The following ZFHX3 variants were observed in gnomAD, a reference collection of about 807,000 sequenced individuals.
The protein encoded by ZFHX3 is zinc finger homeobox 3, also known as zinc finger homeobox protein 3.
ZFHX3 carries 42 observed loss-of-function variants against 279.1 expected under a neutral mutation model. The observed-to-expected ratio is 0.15, with a 90% CI of 0.12 to 0.19. ZFHX3 has a LOEUF of 0.19. Among genes scored for constraint, ZFHX3 ranks in the 10% least tolerant of loss-of-function variants. The pLI, the probability that ZFHX3 is intolerant of heterozygous loss-of-function variation, is 1.00. For missense variants in ZFHX3, 4,981 were observed against 4,754.0 expected (o/e 1.05, Z -1.40); for synonymous variants, 2,293 against 1,957.8 (o/e 1.17, Z -4.52).
intron 2 of ZFHX3, among the ~76,000 whole-genome samples, chr16:73,605,823 T>C (rs1416257097): frequency 6.6e-6 from 1 of 152,004 alleles, no homozygotes; most frequent in African/African-American, 2.4e-5. Context: ...TGGGTACTTA[T>C]CAAACCATTT....
chr16:73,593,310 A>G (rs2052017416), intron 2 of ZFHX3, among the ~76,000 whole-genome samples: 1 of 152,126 alleles, frequency 6.6e-6, no homozygotes, highest in South Asian at 2.1e-4. Flanking sequence ...CCTGACAAGT[A>G]CATTATGAGA....
At chr16:72,912,938 T>C (rs1419917884) in intron 3 of ZFHX3, among the ~76,000 whole-genome samples, 2 of 152,188 alleles carry the variant, frequency 1.3e-5, no homozygotes, top group Admixed American at 6.5e-5. Flanking sequence ...TTGGCCAGAA[T>C]GGTCTCAATC....
chr16:73,127,058 A>T (rs960466094), intron 7 of ZFHX3: 3 of 238,180 alleles, frequency 1.3e-5, no homozygotes, highest in African/African-American at 6.9e-5. Flanking sequence ...CTCCAATTTC[A>T]GCTTGTCTAA....
intron 5 of ZFHX3, among the ~76,000 whole-genome samples, chr16:73,180,221 C>T (rs1010276542): frequency 2.0e-5 from 3 of 152,158 alleles, no homozygotes; most frequent in Admixed American, 6.5e-5. Flanking sequence ...CTCCACGAAA[C>T]GCAGGCTTGC....
intron 2 of ZFHX3, among the ~76,000 whole-genome samples, chr16:73,475,740 A>G (rs2018754872): frequency 6.6e-6 from 1 of 152,106 alleles, no homozygotes; most frequent in Non-Finnish European, 1.5e-5. Flanking sequence ...TTCAGAGCAA[A>G]CTCTGCTAGA....
intron 3 of ZFHX3, among the ~76,000 whole-genome samples, chr16:73,326,869 A>G (rs550207034): frequency 2.0e-5 from 3 of 152,344 alleles, no homozygotes; most frequent in African/African-American, 4.8e-5. Flanking sequence ...CAACATCAAC[A>G]TACCTTGGAG....
At chr16:73,646,551 G>C (rs1378090918) in intron 2 of ZFHX3, among the ~76,000 whole-genome samples, 2 of 151,960 alleles carry the variant, frequency 1.3e-5, no homozygotes, top group African/African-American at 4.8e-5. Context: ...AGATCTGTAA[G>C]ATACATAAAT....
intron 1 of ZFHX3, among the ~76,000 whole-genome samples, chr16:73,037,036 AC>A (rs1304911458): frequency 6.6e-6 from 1 of 152,060 alleles, no homozygotes; most frequent in East Asian, 1.9e-4. Context: ...CAAATAAAAG[AC>A]CCTCACCCCA....
intron 1 of ZFHX3, among the ~76,000 whole-genome samples, chr16:72,970,396 G>C (rs986169821): frequency 2.6e-5 from 4 of 152,062 alleles, no homozygotes; most frequent in African/African-American, 9.7e-5. Flanking sequence ...ACTTGAGTAC[G>C]TAAGTCTCTA....
At chr16:72,945,731 C>T (rs963091952) in intron 3 of ZFHX3, among the ~76,000 whole-genome samples, 7 of 152,090 alleles carry the variant, frequency 4.6e-5, no homozygotes, top group South Asian at 2.1e-4. Flanking sequence ...AGAATCCCGA[C>T]GCAAACCATA....
chr16:73,130,437 C>T (rs530627062), intron 7 of ZFHX3, among the ~76,000 whole-genome samples: 7 of 152,270 alleles, frequency 4.6e-5, no homozygotes, highest in African/African-American at 1.7e-4. Context: ...CACTCTTCTC[C>T]GAGAGGGTCT....
At chr16:72,986,856 T>C (rs903445880) in intron 1 of ZFHX3, among the ~76,000 whole-genome samples, 16 of 152,088 alleles carry the variant, frequency 1.1e-4, no homozygotes, top group South Asian at 8.3e-4. Context: ...GGAAAAAACA[T>C]AGAACCCAGC....
intron 2 of ZFHX3, among the ~76,000 whole-genome samples, chr16:73,645,688 C>T (rs1039849368): frequency 1.3e-5 from 2 of 152,042 alleles, no homozygotes; most frequent in Non-Finnish European, 2.9e-5. Flanking sequence ...ATTAATAATG[C>T]TTTGAGAACA....
chr16:73,077,211 A>T (rs969072381), intron 8 of ZFHX3, among the ~76,000 whole-genome samples: 6 of 152,208 alleles, frequency 3.9e-5, no homozygotes, highest in African/African-American at 1.4e-4. Context: ...TAAAATATAG[A>T]TTATATTGAT....
At chr16:73,483,635 T>C (rs1344766842) in intron 2 of ZFHX3, among the ~76,000 whole-genome samples, 2 of 152,032 alleles carry the variant, frequency 1.3e-5, no homozygotes, top group East Asian at 3.9e-4. Flanking sequence ...GGGGAGCTAA[T>C]GACCCATAAT....
At chr16:73,471,378 T>A (rs1322570347) in intron 2 of ZFHX3, among the ~76,000 whole-genome samples, 1 of 152,154 alleles carries the variant, frequency 6.6e-6, no homozygotes, top group Non-Finnish European at 1.5e-5. Flanking sequence ...TGTGGGCATG[T>A]AACCAATCTA....
chr16:72,794,277 G>T lies in ZFHX3; in HGVS notation c.8405C>A (p.Pro2802His), dbSNP rs1430894734. 1 of 1,613,612 alleles carries T rather than the reference G, an allele frequency of 6.2e-7. No homozygotes were observed. ...MELSPRTLLS[P>H]SSIKVEGIED... Reference sequence around the variant, plus strand: ...AATCCCTTCCACCTTAATGGAGGAAGGGCTTAGAAGAGTTCTGGGTGACAA... The same window carrying T: ...AATCCCTTCCACCTTAATGGAGGAATGGCTTAGAAGAGTTCTGGGTGACAA... The change falls in exon 9 of 10, where the codon CCT becomes CAT. Residue 2802 changes from proline to histidine, a missense_variant. Physicochemically the swap from Pro to His is moderately conservative, Grantham distance 77. Transcript: ENST00000268489. The surrounding 1 kb of genome is among the most constrained non-coding windows in gnomAD (Gnocchi z 4.2).
At chr16:73,057,121 A>G (rs1250953499) in intron 1 of ZFHX3, among the ~76,000 whole-genome samples, 1 of 152,216 alleles carries the variant, frequency 6.6e-6, no homozygotes, top group Non-Finnish European at 1.5e-5. Flanking sequence ...TCAAGTTTCA[A>G]TAATTGAGAC....
chr16:73,284,201 C>T (rs2014531611), intron 4 of ZFHX3, among the ~76,000 whole-genome samples: 1 of 150,598 alleles, frequency 6.6e-6, no homozygotes, highest in Admixed American at 6.6e-5. Flanking sequence ...CCTGTGATCC[C>T]AGCTACACAG....
Sources: gnomAD v4.1 joint callset for allele counts (sites outside exome capture counted in the v4.1 genomes callset) on GRCh38, gnomAD v4.1.1 for gene constraint, Gnocchi (gnomAD v3.1) non-coding constraint, MANE v1.5 for transcripts, NCBI Gene and HGNC (gene_info 2026-07-23, HGNC 2026-07-21) for gene names.